PRIM2: variants seen among roughly 807,000 people sequenced by gnomAD.
PRIM2 encodes DNA primase subunit 2.
Under a neutral mutation model 67.3 loss-of-function variants are expected in PRIM2, and 39 were observed. That is an observed-to-expected ratio of 0.58 (90% CI 0.45 to 0.76). The LOEUF is 0.76. Among genes scored for constraint, PRIM2 ranks in the 30% least tolerant of loss-of-function variants. PRIM2 has a pLI of 0.00. For synonymous variants in PRIM2, 143 were observed against 198.7 expected (o/e 0.72, Z 2.36); for missense variants, 398 against 598.7 (o/e 0.66, Z 3.50).
intron 7 of PRIM2, among the ~76,000 whole-genome samples, chr6:57,476,233 T>C (rs1466390685): frequency 6.6e-6 from 1 of 152,204 alleles, no homozygotes; most frequent in African/African-American, 2.4e-5. Flanking sequence ...TCATGGGTCA[T>C]AATGGACTTA....
At chr6:57,605,425 G>GT (rs1194306091) in intron 11 of PRIM2, among the ~76,000 whole-genome samples, 1 of 152,024 alleles carries the variant, frequency 6.6e-6, no homozygotes, top group Non-Finnish European at 1.5e-5. Flanking sequence ...TGGTTGATAG[G>GT]TTTTTTATTC....
intron 10 of PRIM2, among the ~76,000 whole-genome samples, chr6:57,543,499 G>A (rs1346582454): frequency 2.0e-5 from 3 of 152,174 alleles, no homozygotes; most frequent in Admixed American, 2.0e-4. Flanking sequence ...TATTTGAGAT[G>A]CATTGCTATG....
chr6:57,369,880 A>G (rs1311801045), intron 5 of PRIM2, among the ~76,000 whole-genome samples: 2 of 152,244 alleles, frequency 1.3e-5, no homozygotes, highest in Non-Finnish European at 2.9e-5. Context: ...AAAGCCTGAA[A>G]TACAGAAACT....
chr6:57,512,803 G>T lies in PRIM2; in HGVS notation c.761+5349G>T, dbSNP rs1554347835. ...GTAGGGATGGGGTTTCATCATGTTG[G>T]CCAGACTGGTCTCTAACTCCAGACC... On this transcript the variant is annotated intron_variant, in intron 8 of 13. Transcript: ENST00000615550. 8.9e-4 allele frequency among the ~76,000 whole-genome samples: 136 copies of T among 152,084 alleles called. 1 individual carries two copies. Among genetic ancestry groups the T allele is most frequent in the African/African-American group, 3.1e-3 (129 of 41,484 alleles).
At chr6:57,601,462 TCTCA>T (rs1776465949) in intron 11 of PRIM2, among the ~76,000 whole-genome samples, 2 of 152,274 alleles carry the variant, frequency 1.3e-5, no homozygotes, top group Non-Finnish European at 2.9e-5. Flanking sequence ...GCTTTTCAGT[TCTCA>T]CTGTCTTCCT....
rs5876544 is a variant in PRIM2 at position 57,365,949 on chromosome 6, CAAAA to C, written c.460-13930_460-13927del. Among the ~76,000 whole-genome samples, 155 of 62,602 alleles carry C rather than the reference CAAAA, an allele frequency of 2.5e-3. No homozygotes were observed. In the East Asian group the frequency reaches 0.032, roughly 13 times the overall value. The allele number at this position is 62,602 out of a possible 152,430, so 41.1% of individuals were successfully genotyped here. On this transcript the variant is annotated intron_variant, in intron 5 of 13. Coordinates refer to ENST00000615550, the MANE Select transcript of PRIM2 (RefSeq NM_000947.5). ...TGAGCAGCAGAGTGAGACCATATCT[CAAAA>C]AAAAAAAAAAAAAAAAAAAAAGAAC...
intron 8 of PRIM2, among the ~76,000 whole-genome samples, chr6:57,524,383 G>A (rs1269835818): frequency 1.3e-5 from 2 of 152,288 alleles, no homozygotes; most frequent in African/African-American, 4.8e-5. Flanking sequence ...TTTTATGTAA[G>A]TTTATTGAAC....
intron 5 of PRIM2, among the ~76,000 whole-genome samples, chr6:57,351,789 A>G (rs1222905097): frequency 6.6e-6 from 1 of 152,120 alleles, no homozygotes; most frequent in African/African-American, 2.4e-5. Flanking sequence ...AAAGTATATA[A>G]TCACAATATC....
chr6:57,431,659 T>A (rs72873546), intron 7 of PRIM2, among the ~76,000 whole-genome samples: 63 of 151,448 alleles, frequency 4.2e-4, no homozygotes, highest in African/African-American at 1.4e-3. Flanking sequence ...AAAAAAAAAA[T>A]GTGATTTGTT....
intron 5 of PRIM2, among the ~76,000 whole-genome samples, chr6:57,359,423 A>G (rs967486895): frequency 1.2e-4 from 18 of 152,340 alleles, no homozygotes; most frequent in African/African-American, 4.3e-4. Flanking sequence ...GAACCTCCAG[A>G]TTAATCTGTT....
intron 5 of PRIM2, among the ~76,000 whole-genome samples, chr6:57,378,375 T>TAA (rs1372088806): frequency 6.7e-6 from 1 of 150,244 alleles, no homozygotes; most frequent in Non-Finnish European, 1.5e-5. Context: ...CTTTTGCTTT[T>TAA]AAAAAAAAAA....
intron 7 of PRIM2, among the ~76,000 whole-genome samples, chr6:57,418,383 G>GTTTTTTTT (rs34491627): frequency 4.7e-4 from 22 of 47,236 alleles, no homozygotes; most frequent in South Asian, 1.0e-3. Context: ...TATGTGTGTG[G>GTTTTTTTT]TTTTTTTTTT....
chr6:57,324,321 A>G lies in PRIM2; in HGVS notation c.338+41A>G. ...TATTCTCACAGTCAAATCTGGTGTC[A>G]TGGGTTATAAATTGGTGTGTGGTAA... On this transcript the variant is annotated intron_variant, in intron 4 of 13. Coordinates refer to ENST00000615550, the MANE Select transcript of PRIM2 (RefSeq NM_000947.5). 2.3e-6 allele frequency: 3 copies of G among 1,282,766 alleles called. No individual in the cohort carries two copies. The South Asian group carries it at 3.8e-5, about 16-fold the overall frequency. 79.5% of individuals were successfully genotyped at this position (1,282,766 alleles called of 1,614,324 possible).
chr6:57,290,533 C>T, the PRIM2 span, among the ~76,000 whole-genome samples: 6 of 152,150 alleles, frequency 3.9e-5, no homozygotes, highest in Admixed American at 3.9e-4. Flanking sequence ...ACTCTCCAAC[C>T]CAAATCAACA....
chr6:57,241,640 T>A, the PRIM2 span, among the ~76,000 whole-genome samples: 2 of 150,794 alleles, frequency 1.3e-5, no homozygotes, highest in African/African-American at 4.9e-5. Flanking sequence ...GGGAGGAGTA[T>A]GGAATTACTA....
intron 5 of PRIM2, among the ~76,000 whole-genome samples, chr6:57,339,496 A>G (rs1455542515): frequency 6.6e-6 from 1 of 152,182 alleles, no homozygotes; most frequent in African/African-American, 2.4e-5. Context: ...TGGTACTGGT[A>G]CCAAAACAGA....
chr6:57,642,688 G>A (rs1238932783), intron 13 of PRIM2, among the ~76,000 whole-genome samples: 1 of 151,946 alleles, frequency 6.6e-6, no homozygotes, highest in African/African-American at 2.4e-5. Flanking sequence ...TGATCCGCCC[G>A]TCTCGGCCTC....
the PRIM2 span, among the ~76,000 whole-genome samples, chr6:57,290,359 T>C: frequency 6.6e-6 from 1 of 152,206 alleles, no homozygotes; most frequent in South Asian, 2.1e-4. Context: ...ATCAAGCAAG[T>C]CCTTAGAGAC....
At chr6:57,627,856 A>C (rs1776979684) in intron 12 of PRIM2, among the ~76,000 whole-genome samples, 1 of 152,224 alleles carries the variant, frequency 6.6e-6, no homozygotes, top group South Asian at 2.1e-4. Context: ...TTTTCTTCAA[A>C]TAAAAATTGT....
Sources: allele counts gnomAD v4.1 joint callset (sites outside exome capture counted in the v4.1 genomes callset), GRCh38; gene constraint gnomAD v4.1.1; transcripts MANE v1.5; gene names NCBI Gene and HGNC (gene_info 2026-07-23, HGNC 2026-07-21).